CES5A: variants seen among roughly 807,000 people sequenced by gnomAD.
CES5A encodes the protein carboxylesterase 5A.
Under a neutral mutation model 62.9 loss-of-function variants are expected in CES5A, and 67 were observed. That is an observed-to-expected ratio of 1.07 (90% CI 0.88 to 1.31). The LOEUF (loss-of-function observed/expected upper bound fraction) is 1.31. Ranked by LOEUF, CES5A falls within the 50% of genes most tolerant of loss-of-function variation. The probability of loss-of-function intolerance (pLI) is 0.00; values close to 1 mark genes in which losing one functional copy is unlikely to be tolerated. For missense variants in CES5A, 748 were observed against 708.5 expected (o/e 1.06, Z -0.63); for synonymous variants, 296 against 280.8 (o/e 1.05, Z -0.54).
intron 1 of CES5A, among the ~76,000 whole-genome samples, chr16:55,897,364 C>A (rs1474633306): frequency 1.3e-5 from 2 of 152,088 alleles, no homozygotes; most frequent in Non-Finnish European, 2.9e-5. Flanking sequence ...GGGTAGAAGA[C>A]AAGAGTACTT....
At chr16:55,943,906 C>T (rs2034468954) in intron 2 of CES5A, 1 of 616,108 alleles carries the variant, frequency 1.6e-6, no homozygotes, top group Admixed American at 2.7e-5. Context: ...AACTGAGTAT[C>T]CAGTAAGAGG....
intron 2 of CES5A, among the ~76,000 whole-genome samples, chr16:55,872,239 C>G (rs1468125873): frequency 1.3e-5 from 2 of 152,216 alleles, no homozygotes; most frequent in East Asian, 3.9e-4. Flanking sequence ...GGCAGGGAGA[C>G]TCCTGCACCC....
At position 55,846,251 on chromosome 16, in the gene CES5A, G is replaced by A; in HGVS notation, c.*200C>T. 1.7e-6 allele frequency: 1 copy of A among 591,340 alleles called. No individual in the cohort carries two copies. Among genetic ancestry groups the A allele is most frequent in the Non-Finnish European group, 3.0e-6 (1 of 333,938 alleles). 36.6% of individuals were successfully genotyped at this position (591,340 alleles called of 1,614,324 possible). ...CTTCCAAATTTATTGAAGAAATCTT[G>A]TTGCCTTCCAAGACAAATTGCACTT... On this transcript the variant is annotated 3_prime_UTR_variant, in exon 13 of 13. Coordinates refer to ENST00000290567, the MANE Select transcript of CES5A (RefSeq NM_001143685.2).
chr16:55,910,000 G>A lies in CES5A; in HGVS notation c.-256+15323C>T, dbSNP rs75181502. On this transcript the variant is annotated intron_variant, in intron 1 of 12. Coordinates refer to the CES5A transcript ENST00000518005. ...CATCCAGCCCCAGAGTTCACTCCAG[G>A]ACATTCACCTCTGCTCCCTGAGTGC... 6.2e-3 allele frequency among the ~76,000 whole-genome samples: 944 copies of A among 152,262 alleles called. 13 individuals are homozygous for A. The highest frequency in any genetic ancestry group is 0.022 in the African/African-American group (911 of 41,546).
At chr16:55,874,154 G>A in intron 1 of CES5A, 117 bp from the exon 2 acceptor site, 1 of 898,264 alleles carries the variant, frequency 1.1e-6, no homozygotes, top group South Asian at 1.6e-5. Flanking sequence ...TTGTGCAGCT[G>A]GTGGTATCCA....
chr16:55,892,389 G>A (rs1278546218), intron 1 of CES5A, among the ~76,000 whole-genome samples: 1 of 152,000 alleles, frequency 6.6e-6, no homozygotes, highest in African/African-American at 2.4e-5. Flanking sequence ...AACCACCTTG[G>A]GCACATGTTC....
At chr16:55,865,371 A>G (rs113212392) in intron 5 of CES5A, among the ~76,000 whole-genome samples, 2 of 152,226 alleles carry the variant, frequency 1.3e-5, no homozygotes, top group African/African-American at 4.8e-5. Flanking sequence ...ATTTGCAGGA[A>G]AAGTATACAA....
intron 1 of CES5A, among the ~76,000 whole-genome samples, chr16:55,902,341 C>T (rs1424815477): frequency 1.3e-5 from 2 of 152,144 alleles, no homozygotes; most frequent in Non-Finnish European, 2.9e-5. Context: ...CCCACTCTCC[C>T]CCCACAAGTT....
chr16:55,941,113 G>C (rs1208576631), intron 2 of CES5A, among the ~76,000 whole-genome samples: 1 of 151,964 alleles, frequency 6.6e-6, no homozygotes. Context: ...AATTCTCACT[G>C]CTCCTTTTTA....
chr16:55,862,751 G>A (rs1447709758), intron 6 of CES5A, among the ~76,000 whole-genome samples: 1 of 152,188 alleles, frequency 6.6e-6, no homozygotes. Flanking sequence ...GAATGAAACA[G>A]CTCATTCATT....
intron 4 of CES5A, 136 bp from the exon 5 acceptor site, chr16:55,866,252 G>A (rs1458988372): frequency 1.3e-5 from 9 of 690,486 alleles, no homozygotes; most frequent in South Asian, 5.0e-5. Flanking sequence ...AGGAGCTGGG[G>A]AAACCGGACT....
upstream of CES5A, among the ~76,000 whole-genome samples, chr16:55,926,750 T>G (rs1163191502): frequency 2.6e-5 from 4 of 152,210 alleles, no homozygotes; most frequent in Admixed American, 1.3e-4. Context: ...AATATTATCA[T>G]AATAAGTAGA....
intron 1 of CES5A, among the ~76,000 whole-genome samples, chr16:55,955,333 C>A (rs2034597984): frequency 6.6e-6 from 1 of 152,126 alleles, no homozygotes; most frequent in African/African-American, 2.4e-5. Context: ...TAATCCCCCC[C>A]ATCTTTTAAA....
At chr16:55,871,097 T>C (rs2033574112) in intron 3 of CES5A, among the ~76,000 whole-genome samples, 1 of 152,188 alleles carries the variant, frequency 6.6e-6, no homozygotes, top group Non-Finnish European at 1.5e-5. Flanking sequence ...ATTACTGTTA[T>C]GATACAAGAC....
At chr16:55,921,061 A>C (rs1355025468) in intron 1 of CES5A, among the ~76,000 whole-genome samples, 1 of 152,230 alleles carries the variant, frequency 6.6e-6, no homozygotes, top group Non-Finnish European at 1.5e-5. Flanking sequence ...GCTTTTGAAA[A>C]TACACACTCA....
Position 55,950,744 on chromosome 16 carries a change from T to C in CES5A, c.43-842A>G, listed in dbSNP as rs749133869. On this transcript the variant is annotated intron_variant, in intron 1 of 13. Coordinates refer to the CES5A transcript ENST00000521992. ...CAAAAAACGATGGAAGTCTTTAGAT[T>C]GAAAAAAAAGATAGAAGTCTTTAGA... Among the ~76,000 whole-genome samples, 119 of 151,530 alleles carry C rather than the reference T, an allele frequency of 7.9e-4. 1 individual carries two copies. Among genetic ancestry groups the C allele is most frequent in the Non-Finnish European group, 1.5e-3 (101 of 67,902 alleles).
At chr16:55,945,050 A>C (rs1425072926) in intron 2 of CES5A, among the ~76,000 whole-genome samples, 1 of 152,158 alleles carries the variant, frequency 6.6e-6, no homozygotes, top group Non-Finnish European at 1.5e-5. Flanking sequence ...TTCATTTTAA[A>C]ATGGGGTTAA....
At chr16:55,899,290 A>G (rs1176917494) in intron 1 of CES5A, among the ~76,000 whole-genome samples, 4 of 152,146 alleles carry the variant, frequency 2.6e-5, no homozygotes, top group Non-Finnish European at 5.9e-5. Context: ...TTGCACTCTC[A>G]TTGCCATTAT....
At position 55,853,023 on chromosome 16, in the gene CES5A, G is replaced by A. The variant is rs769138677; in HGVS notation, c.1131C>T (p.Ile377=). 3.1e-6 allele frequency: 5 copies of A among 1,614,056 alleles called. No homozygotes were observed. In the South Asian group the frequency reaches 5.5e-5, roughly 18 times the overall value. ...ALHLIQNILH[I]PPQYLHLVAN... ...CCACAAGGTGCAAATACTGAGGCGG[G>A]ATGTGCTGTAAAAATATCGTAGTCC... The change falls in exon 10 of 13, where the codon ATC becomes ATT. Residue 377 remains isoleucine, a synonymous_variant. Coordinates refer to ENST00000290567, the MANE Select transcript of CES5A (RefSeq NM_001143685.2).
Sources: gnomAD v4.1 joint callset for allele counts (sites outside exome capture counted in the v4.1 genomes callset) on GRCh38, gnomAD v4.1.1 for gene constraint, MANE v1.5 for transcripts, NCBI Gene and HGNC (gene_info 2026-07-23, HGNC 2026-07-21) for gene names.